MOV10L1: variants seen among roughly 807,000 people sequenced by gnomAD.
The protein encoded by MOV10L1 is Mov10 like RNA helicase 1.
MOV10L1 carries 110 observed loss-of-function variants against 143.8 expected under a neutral mutation model. The ratio of observed to expected loss-of-function variants is 0.76; its 90% confidence interval spans 0.66 to 0.90. The LOEUF (loss-of-function observed/expected upper bound fraction) is 0.90. Ranked by LOEUF, MOV10L1 falls within the 40% of genes least tolerant of loss-of-function variation. The pLI is 0.00. For missense variants in MOV10L1, 1,406 were observed against 1,526.8 expected (o/e 0.92, Z 1.32); for synonymous variants, 593 against 581.1 (o/e 1.02, Z -0.29).
At chr22:50,096,214 T>G (rs2062585380) in intron 2 of MOV10L1, 1 of 152,214 alleles carries the variant, frequency 6.6e-6, no homozygotes, top group Admixed American at 6.5e-5. Context: ...GTGTTCTACT[T>G]TATGTCTCTA....
chr22:50,107,791 GT>G (rs1250639007), intron 3 of MOV10L1, among the ~76,000 whole-genome samples: 1 of 152,118 alleles, frequency 6.6e-6, no homozygotes, highest in Non-Finnish European at 1.5e-5. Flanking sequence ...CCGTGTGTGT[GT>G]CCCTGACAGG....
Position 50,152,906 on chromosome 22 carries a change from G to A in MOV10L1, c.2893-139G>A, listed in dbSNP as rs939421409. ...CCAAGGGCTTGGTCTGGGGGCAGGC[G>A]ACACACAGGGGCGCAGGAGCAGAGT... On this transcript the variant is annotated intron_variant, in intron 21 of 26. Transcript: ENST00000262794. The surrounding 1 kb of genome is among the most constrained non-coding windows in gnomAD (Gnocchi z 4.4). 5 of 806,360 alleles carry A rather than the reference G, an allele frequency of 6.2e-6. No homozygotes were observed. The highest frequency in any genetic ancestry group is 2.3e-5 in the Admixed American group (1 of 42,950). 50.0% of individuals were successfully genotyped at this position (806,360 alleles called of 1,614,324 possible).
chr22:50,097,991 A>G (rs1186215744), intron 2 of MOV10L1, among the ~76,000 whole-genome samples: 1 of 151,862 alleles, frequency 6.6e-6, no homozygotes, highest in African/African-American at 2.4e-5. Context: ...TTGCCACTAC[A>G]CCCAGCTAAT....
At chr22:50,150,077 C>T (rs1361639971) in intron 20 of MOV10L1, among the ~76,000 whole-genome samples, 1 of 152,168 alleles carries the variant, frequency 6.6e-6, no homozygotes, top group Non-Finnish European at 1.5e-5. Flanking sequence ...CCCTGGCCTC[C>T]AGCTCTGTGC....
At chr22:50,097,123 A>C (rs893453330) in intron 2 of MOV10L1, among the ~76,000 whole-genome samples, 7 of 152,110 alleles carry the variant, frequency 4.6e-5, no homozygotes, top group Non-Finnish European at 1.0e-4. Flanking sequence ...CATTAAAAAA[A>C]ATTTTTTGAG....
At position 50,090,096 on chromosome 22, in the gene MOV10L1, G is replaced by A; in HGVS notation, c.8G>A (p.Ser3Asn). Residue 3 changes from serine to asparagine, a missense_variant, in exon 1 of 27, where the codon AGC (serine) becomes AAC (asparagine). By Grantham distance (46) the Ser-to-Asn change is conservative. Coordinates refer to ENST00000262794, the MANE Select transcript of MOV10L1 (RefSeq NM_018995.3). ...CTAGGCCGGGCGAGGGCCATGCTGA[G>A]CCTCGCAGCCAAGCTGGTGGCCTTC... is the stretch of plus-strand genomic sequence containing the variant. ML[S>N]LAAKLVAFFW... 2 of 1,347,658 alleles carry A rather than the reference G, an allele frequency of 1.5e-6. No homozygotes were observed. Among genetic ancestry groups the A allele is most frequent in the Non-Finnish European group, 1.9e-6 (2 of 1,049,764 alleles). 83.5% of individuals were successfully genotyped at this position (1,347,658 alleles called of 1,614,324 possible).
chr22:50,122,699 A>T (rs1340232995), intron 10 of MOV10L1, among the ~76,000 whole-genome samples: 3 of 149,604 alleles, frequency 2.0e-5, no homozygotes, highest in Non-Finnish European at 4.5e-5. Flanking sequence ...TTCATATATG[A>T]CTTTCATCAT....
chr22:50,137,864 A>T (rs898708898), intron 15 of MOV10L1, among the ~76,000 whole-genome samples: 3 of 146,852 alleles, frequency 2.0e-5, no homozygotes, highest in South Asian at 4.2e-4. Context: ...ACATATTTTT[A>T]TATATACACA....
intron 8 of MOV10L1, among the ~76,000 whole-genome samples, chr22:50,116,847 G>A (rs1032549179): frequency 6.6e-6 from 1 of 151,734 alleles, no homozygotes; most frequent in African/African-American, 2.4e-5. Flanking sequence ...GCAGAGACAG[G>A]TTCATCCTAT....
intron 7 of MOV10L1, 137 bp downstream of exon 7, chr22:50,114,759 C>CT (rs1410943174): frequency 4.0e-5 from 52 of 1,284,784 alleles, no homozygotes; most frequent in Non-Finnish European, 5.3e-5. Flanking sequence ...AGCTCTTCGG[C>CT]TTCAGGCCCT....
chr22:50,144,400 C>T (rs1414042630), intron 18 of MOV10L1, among the ~76,000 whole-genome samples, 157 bp downstream of exon 18: 1 of 152,214 alleles, frequency 6.6e-6, no homozygotes, highest in Non-Finnish European at 1.5e-5. Flanking sequence ...CCCTCCCTCA[C>T]CGCTAAATGG....
In MOV10L1 at chr22:50,092,071, T is replaced by C. The variant is rs757422123; in HGVS notation, c.168T>C (p.Asp56=). ...GCAGCGATTATGGCATGATTGATGA[T>C]ATGATCTACTTCTCCAGTGATGCTG... is the stretch of plus-strand genomic sequence containing the variant. The part of the protein sequence containing the change: ...RYCSDYGMID[D]MIYFSSDAVT... Residue 56 remains aspartate, a synonymous_variant, in exon 2 of 27, where the codon GAT becomes GAC. Coordinates refer to ENST00000262794, the MANE Select transcript of MOV10L1 (RefSeq NM_018995.3). The C allele has an allele frequency of 8.1e-6, 13 of 1,614,194 alleles. No homozygotes were observed. The highest frequency in any genetic ancestry group is 1.3e-5 in the African/African-American group (1 of 75,046).
intron 18 of MOV10L1, among the ~76,000 whole-genome samples, chr22:50,144,619 T>TCAC (rs2063089240): frequency 6.6e-6 from 1 of 152,126 alleles, no homozygotes. Flanking sequence ...TCTCGCTGTG[T>TCAC]CGCCCAGGCT....
In MOV10L1 at chr22:50,108,143, G is replaced by T; in HGVS notation, c.450G>T (p.Glu150Asp). ...TTTTCCTGGCGGTTTTAGGCTTCGA[G>T]CCCTGCAAGGGAGACTGGGTGGAGG... ...FSLESVCEGF[E>D]PCKGDWVEAE... Residue 150 changes from glutamate to aspartate, a missense_variant, in exon 4 of 27, where the codon GAG becomes GAT. Transcript: ENST00000262794. 6.2e-7 allele frequency: 1 copy of T among 1,613,672 alleles called. No individual in the cohort carries two copies. Among genetic ancestry groups the T allele is most frequent in the Non-Finnish European group, 8.5e-7 (1 of 1,179,634 alleles).
chr22:50,136,932 T>C (rs2062836581), intron 15 of MOV10L1, among the ~76,000 whole-genome samples: 1 of 152,110 alleles, frequency 6.6e-6, no homozygotes, highest in Non-Finnish European at 1.5e-5. Flanking sequence ...GTAGAATCCA[T>C]GGGAGGGTGT....
intron 22 of MOV10L1, among the ~76,000 whole-genome samples, chr22:50,155,912 A>G (rs997242919): frequency 6.6e-6 from 1 of 152,094 alleles, no homozygotes; most frequent in South Asian, 2.1e-4. Flanking sequence ...TTATCCGGTC[A>G]TGGTGGTGCA....
Position 50,160,821 on chromosome 22 carries a change from T to A in MOV10L1, c.3458T>A (p.Val1153Asp), listed in dbSNP as rs1281771508. ...LIVLGNPHVL[V>D]RDPCFGALLE... ...GTGCTGGGAAACCCCCATGTTCTCG[T>A]TCGAGTGAGTTTTCAGGCACTGGGT... is the stretch of plus-strand genomic sequence containing the variant. The change falls in exon 25 of 27, where the codon GTT becomes GAT. Residue 1153 changes from valine to aspartate, a missense_variant. Physicochemically the swap from Val to Asp is radical, Grantham distance 152. Transcript: ENST00000262794. The A allele has an allele frequency of 3.7e-6, 6 of 1,613,912 alleles. No homozygotes were observed. Among genetic ancestry groups the A allele is most frequent in the Admixed American group, 1.7e-5 (1 of 59,984 alleles).
At chr22:50,144,719 C>G (rs1569035623) in intron 18 of MOV10L1, among the ~76,000 whole-genome samples, 2 of 149,550 alleles carry the variant, frequency 1.3e-5, no homozygotes, top group South Asian at 2.1e-4. Flanking sequence ...GTAGCTGGGA[C>G]TACAGGCACC....
intron 10 of MOV10L1, among the ~76,000 whole-genome samples, chr22:50,121,667 A>G (rs1215358898): frequency 6.6e-6 from 1 of 152,182 alleles, no homozygotes; most frequent in Non-Finnish European, 1.5e-5. Context: ...CAAATGCCTG[A>G]ATGGTTCATC....
Sources: gnomAD v4.1 joint callset for allele counts (sites outside exome capture counted in the v4.1 genomes callset) on GRCh38, gnomAD v4.1.1 for gene constraint, Gnocchi (gnomAD v3.1) non-coding constraint, MANE v1.5 for transcripts, NCBI Gene and HGNC (gene_info 2026-07-23, HGNC 2026-07-21) for gene names.